STXBP5L: variants seen among roughly 807,000 people sequenced by gnomAD.
STXBP5L encodes the protein syntaxin binding protein 5L.
STXBP5L carries 65 observed loss-of-function variants against 144.5 expected under a neutral mutation model. That is an observed-to-expected ratio of 0.45 (90% CI 0.37 to 0.55). STXBP5L has a LOEUF of 0.55. STXBP5L is among the 20% of genes least tolerant of loss of function. The probability of loss-of-function intolerance (pLI) is 0.00; values close to 1 mark genes in which losing one functional copy is unlikely to be tolerated. For synonymous variants in STXBP5L, 505 were observed against 469.6 expected (o/e 1.08, Z -0.97); for missense variants, 1,298 against 1,405.5 (o/e 0.92, Z 1.22).
chr3:121,220,255 C>A (rs1223262328), intron 10 of STXBP5L, among the ~76,000 whole-genome samples: 1 of 152,064 alleles, frequency 6.6e-6, no homozygotes, highest in Non-Finnish European at 1.5e-5. Context: ...GCTTCTTTCA[C>A]TCAGCAGAAT....
chr3:120,960,163 C>G (rs1375300356), intron 3 of STXBP5L, among the ~76,000 whole-genome samples: 1 of 152,192 alleles, frequency 6.6e-6, no homozygotes, highest in Non-Finnish European at 1.5e-5. Context: ...AAAAAATGCT[C>G]ATCATCACTG....
At chr3:121,063,571 T>C (rs1162451735) in intron 5 of STXBP5L, among the ~76,000 whole-genome samples, 3 of 152,188 alleles carry the variant, frequency 2.0e-5, no homozygotes, top group Non-Finnish European at 4.4e-5. Context: ...AATGTTTAAG[T>C]CTGCTGAAGC....
At chr3:121,320,899 C>G (rs939992409) in intron 20 of STXBP5L, among the ~76,000 whole-genome samples, 3 of 152,090 alleles carry the variant, frequency 2.0e-5, no homozygotes, top group African/African-American at 7.2e-5. Context: ...CGGGGTTTCA[C>G]TGTGTTAGCC....
At chr3:121,034,736 C>A (rs1946638133) in intron 3 of STXBP5L, among the ~76,000 whole-genome samples, 1 of 152,086 alleles carries the variant, frequency 6.6e-6, no homozygotes, top group African/African-American at 2.4e-5. Context: ...TGGGTAGATA[C>A]CTAATATTGG....
chr3:121,075,168 G>T (rs1209045869), intron 5 of STXBP5L, among the ~76,000 whole-genome samples: 5 of 152,088 alleles, frequency 3.3e-5, no homozygotes, highest in Admixed American at 2.0e-4. Flanking sequence ...GGTGGCAGGG[G>T]GTTCTGGCCA....
At chr3:121,192,607 C>G (rs1436342164) in intron 9 of STXBP5L, among the ~76,000 whole-genome samples, 1 of 152,164 alleles carries the variant, frequency 6.6e-6, no homozygotes, top group East Asian at 1.9e-4. Context: ...CAGCATGGTA[C>G]TGGTACCAAA....
chr3:121,164,823 A>AT (rs1292293152), intron 9 of STXBP5L, among the ~76,000 whole-genome samples: 2 of 152,100 alleles, frequency 1.3e-5, no homozygotes, highest in African/African-American at 2.4e-5. Context: ...CACATGTGAA[A>AT]TTTTTTTTAA....
chr3:121,031,615 T>C (rs1361234601), intron 3 of STXBP5L, among the ~76,000 whole-genome samples: 2 of 152,056 alleles, frequency 1.3e-5, no homozygotes, highest in Non-Finnish European at 2.9e-5. Context: ...CAATCCATAT[T>C]ATGAAGGGTA....
In STXBP5L at chr3:121,186,101, CT is replaced by C. The variant is rs2047370800; in HGVS notation, c.878-19821del. The stretch of plus-strand genomic sequence containing the variant: ...ACTCATGATTTGGCTCTCTGTTTGT[CT>C]GTTATTGGTGTATAAGAATGCTTGT... On this transcript the variant is annotated intron_variant, in intron 9 of 26. Transcript: ENST00000471454. Among the ~76,000 whole-genome samples, 3 of 152,220 alleles carry C rather than the reference CT, an allele frequency of 2.0e-5. No individual in the cohort carries two copies. In the South Asian group the frequency reaches 6.2e-4, roughly 32 times the overall value.
intron 5 of STXBP5L, among the ~76,000 whole-genome samples, chr3:121,051,652 C>A (rs1158887245): frequency 6.6e-6 from 1 of 152,090 alleles, no homozygotes; most frequent in Non-Finnish European, 1.5e-5. Flanking sequence ...CCAAAATTCA[C>A]ACCCTAACAT....
intron 4 of STXBP5L, among the ~76,000 whole-genome samples, chr3:121,043,979 A>T (rs897481348): frequency 6.6e-6 from 1 of 152,158 alleles, no homozygotes; most frequent in African/African-American, 2.4e-5. Flanking sequence ...TAACTCATCA[A>T]ATGCTTCCAA....
chr3:121,397,899 G>C (rs551375812), intron 22 of STXBP5L, among the ~76,000 whole-genome samples: 2 of 152,218 alleles, frequency 1.3e-5, no homozygotes, highest in Non-Finnish European at 2.9e-5. Context: ...TGGCCACGCA[G>C]ACAGCCAGTG....
chr3:121,322,918 GT>G (rs1559975333), intron 20 of STXBP5L, among the ~76,000 whole-genome samples: 2 of 152,078 alleles, frequency 1.3e-5, no homozygotes, highest in Admixed American at 6.6e-5. Flanking sequence ...TCTCAGTGTG[GT>G]TTTGATTTGG....
chr3:121,212,060 T>G (rs1031989758), intron 10 of STXBP5L, among the ~76,000 whole-genome samples: 2 of 152,184 alleles, frequency 1.3e-5, no homozygotes, highest in East Asian at 3.9e-4. Flanking sequence ...TAGATGAGGT[T>G]GTTTGTTGTT....
At chr3:121,168,985 G>A (rs926114552) in intron 9 of STXBP5L, among the ~76,000 whole-genome samples, 5 of 152,214 alleles carry the variant, frequency 3.3e-5, no homozygotes, top group Non-Finnish European at 5.9e-5. Context: ...ACTGACAGCA[G>A]ATCTCGCTGC....
At chr3:120,975,981 T>C (rs1261198620) in intron 3 of STXBP5L, among the ~76,000 whole-genome samples, 2 of 151,694 alleles carry the variant, frequency 1.3e-5, no homozygotes, top group East Asian at 3.9e-4. Context: ...TCAATGTTCA[T>C]CAAGGATATT....
intron 6 of STXBP5L, among the ~76,000 whole-genome samples, chr3:121,115,947 C>G (rs779505349): frequency 1.5e-4 from 23 of 152,026 alleles, no homozygotes; most frequent in Non-Finnish European, 2.5e-4. Context: ...CAAGAAGAGC[C>G]CTAAGGGGAT....
At chr3:120,980,786 A>G (rs1356348606) in intron 3 of STXBP5L, among the ~76,000 whole-genome samples, 2 of 152,018 alleles carry the variant, frequency 1.3e-5, no homozygotes, top group Non-Finnish European at 2.9e-5. Context: ...TGGTTGTGTA[A>G]TTGTTTTATA....
intron 3 of STXBP5L, among the ~76,000 whole-genome samples, chr3:120,987,834 T>C (rs1275831311): frequency 6.6e-6 from 1 of 151,876 alleles, no homozygotes; most frequent in African/African-American, 2.4e-5. Flanking sequence ...TAGGAAGTAT[T>C]CCTTTTATTT....
Sources: allele counts gnomAD v4.1 joint callset (sites outside exome capture counted in the v4.1 genomes callset), GRCh38; gene constraint gnomAD v4.1.1; transcripts MANE v1.5; gene names NCBI Gene and HGNC (gene_info 2026-07-23, HGNC 2026-07-21).